The following TCEANC2 variants were observed in gnomAD, a reference collection of about 807,000 sequenced individuals.
TCEANC2 encodes the protein transcription elongation factor A N-terminal and central domain containing 2.
TCEANC2 carries 20 observed loss-of-function variants against 22.8 expected under a neutral mutation model. The ratio of observed to expected loss-of-function variants is 0.88; its 90% CI spans 0.62 to 1.28. The LOEUF (loss-of-function observed/expected upper bound fraction) is 1.28, where lower values mean the gene tolerates loss of function less well. TCEANC2 is among the 50% of genes most tolerant of loss of function. The probability of loss-of-function intolerance (pLI) is 0.00; values close to 1 mark genes in which losing one functional copy is unlikely to be tolerated. For synonymous variants in TCEANC2, 84 were observed against 95.5 expected (o/e 0.88, Z 0.70); for missense variants, 251 against 249.7 (o/e 1.01, Z -0.03).
In TCEANC2 at chr1:54,097,636, T is replaced by C. The variant is rs1478643461; in HGVS notation, c.*1163T>C. The C allele has an allele frequency of 6.6e-6, 1 of 152,256 alleles. No individual in the cohort carries two copies. Among genetic ancestry groups the C allele is most frequent in the Admixed American group, 6.5e-5 (1 of 15,290 alleles). 9.4% of individuals were successfully genotyped at this position (152,256 alleles called of 1,614,324 possible). A position where few individuals can be genotyped will look rare whatever the true frequency, so the allele number is the denominator to read the frequency against. ...TTATTAACCTTTACCTGGATCTTTA[T>C]ATAGTTTTGTAAAAATATTGCTTAC... On this transcript the variant is annotated 3_prime_UTR_variant, in exon 5 of 5. Transcript: ENST00000234827.
rs568745170 is a variant in TCEANC2 at position 54,096,545 on chromosome 1, T to C, written c.*72T>C. 8 of 1,522,520 alleles carry C rather than the reference T, an allele frequency of 5.3e-6. No individual in the cohort carries two copies. Among genetic ancestry groups the C allele is most frequent in the Non-Finnish European group, 6.2e-6 (7 of 1,129,186 alleles). The allele number at this position is 1,522,520 out of a possible 1,614,324, so 94.3% of individuals were successfully genotyped here. On this transcript the variant is annotated 3_prime_UTR_variant, in exon 5 of 5. Transcript: ENST00000234827. This position sits in a 1 kb window ranked among gnomAD's most constrained non-coding sequence, Gnocchi z 4.9. ...CTGTCTCTGCCGTTCAAAGACGCTT[T>C]TGAGTTTGGGTGATGGCTGATGCTG...
chr1:54,068,691 A>G, intron 2 of TCEANC2, 65 bp from the exon 3 acceptor site: 1 of 1,497,216 alleles, frequency 6.7e-7, no homozygotes, highest in Admixed American at 2.3e-5. Context: ...CCATTAGCTC[A>G]GGTGAAGGCA....
At chr1:54,093,590 C>A (rs762805303) in intron 4 of TCEANC2, among the ~76,000 whole-genome samples, 8 of 152,092 alleles carry the variant, frequency 5.3e-5, no homozygotes, top group Non-Finnish European at 1.2e-4. Flanking sequence ...AGGTTCCTAC[C>A]CACTTCTAGG....
chr1:54,079,819 G>T (rs1458512106), intron 3 of TCEANC2, among the ~76,000 whole-genome samples: 1 of 152,154 alleles, frequency 6.6e-6, no homozygotes, highest in Non-Finnish European at 1.5e-5. Context: ...CCATTGTTGT[G>T]TCTACCATAT....
rs1658581565 is a variant in TCEANC2, at chr1:54,097,521, A to C, written c.*1048A>C. ...GGGGAGAGATTTAAAATCCAAAAAAAAGGAAGATGAGTTGAAAAGCAAGGG... is the reference window on the plus strand; with the variant it reads ...GGGGAGAGATTTAAAATCCAAAAAACAGGAAGATGAGTTGAAAAGCAAGGG... On this transcript the variant is annotated 3_prime_UTR_variant, in exon 5 of 5. Transcript: ENST00000234827. The C allele has an allele frequency of 6.6e-6, 1 of 152,192 alleles. No individual in the cohort carries two copies. The highest frequency in any genetic ancestry group is 1.5e-5 in the Non-Finnish European group (1 of 68,042). 9.4% of individuals were successfully genotyped at this position (152,192 alleles called of 1,614,324 possible). A position where few individuals can be genotyped will look rare whatever the true frequency, so the allele number is the denominator to read the frequency against.
In TCEANC2 at chr1:54,100,636, C is replaced by T. The variant is rs1044308450; in HGVS notation, c.*4163C>T. The T allele has an allele frequency of 1.3e-5, 2 of 152,124 alleles. No individual in the cohort carries two copies. The highest frequency in any genetic ancestry group is 2.9e-5 in the Non-Finnish European group (2 of 68,040). 9.4% of individuals were successfully genotyped at this position (152,124 alleles called of 1,614,324 possible). ...CTCAGTCTATGTGAAAGCACAGAAG[C>T]GTGAGGTGTATGGCTAGTTTCAGTA... is the stretch of plus-strand genomic sequence containing the variant. On this transcript the variant is annotated 3_prime_UTR_variant, in exon 5 of 5. Transcript: ENST00000234827.
chr1:54,054,251 T>G, intron 1 of TCEANC2, 130 bp from the exon 2 acceptor site: 1 of 1,443,366 alleles, frequency 6.9e-7, no homozygotes, highest in South Asian at 1.6e-5. Context: ...AAAATCTTAC[T>G]TCCTGTCAAT....
rs569179457 is a variant in TCEANC2 at position 54,096,399 on chromosome 1, C to T, written c.553C>T (p.Arg185Ter). The change falls in exon 5 of 5, where the codon CGA becomes TGA. Residue 185 changes from arginine to a stop codon, truncating the protein, a stop_gained. Transcript: ENST00000234827. LOFTEE classifies it high-confidence loss of function. The surrounding 1 kb of genome is among the most constrained non-coding windows in gnomAD (Gnocchi z 4.9). ...AGCCCTGGTCTTCACATTAAAGCACCGAGCTGAAATCCGGGCTCAGGTGAA... is the reference window on the plus strand; with the variant it reads ...AGCCCTGGTCTTCACATTAAAGCACTGAGCTGAAATCCGGGCTCAGGTGAA... ...VRALVFTLKH[R>*]AEIRAQVKSG... The T allele has an allele frequency of 6.2e-7, 1 of 1,613,598 alleles. No individual in the cohort carries two copies. Among genetic ancestry groups the T allele is most frequent in the Non-Finnish European group, 8.5e-7 (1 of 1,179,474 alleles).
chr1:54,066,388 C>G (rs1657956134), intron 2 of TCEANC2, among the ~76,000 whole-genome samples: 1 of 151,966 alleles, frequency 6.6e-6, no homozygotes, highest in Admixed American at 6.6e-5. Context: ...ATTAAACATG[C>G]CTATTAAAAG....
Position 54,068,747 on chromosome 1 carries a change from T to G in TCEANC2, c.103-9T>G. On this transcript the variant is annotated splice_polypyrimidine_tract_variant and intron_variant, in intron 2 of 4. Transcript: ENST00000234827. ...GTTCCATTTTCCAAATGACTTTTCT[T>G]TTTCCCAGAGAGTTGTGGTTGTAGA... 1.3e-6 allele frequency: 2 copies of G among 1,582,896 alleles called. No homozygotes were observed. Among genetic ancestry groups the G allele is most frequent in the Admixed American group, 3.9e-5 (2 of 51,148 alleles).
At chr1:54,058,188 C>G (rs1657788137) in intron 2 of TCEANC2, among the ~76,000 whole-genome samples, 1 of 152,140 alleles carries the variant, frequency 6.6e-6, no homozygotes, top group South Asian at 2.1e-4. Flanking sequence ...CTTTGTAAGT[C>G]TTTGCTATTA....
At chr1:54,092,151 T>C (rs921968868) in intron 4 of TCEANC2, among the ~76,000 whole-genome samples, 2 of 152,234 alleles carry the variant, frequency 1.3e-5, no homozygotes, top group Non-Finnish European at 2.9e-5. Flanking sequence ...CCACACAAAG[T>C]TTGCTTCCAG....
In TCEANC2 at chr1:54,103,918, G is replaced by T. The variant is rs1274532431; in HGVS notation, c.*7445G>T. 1 of 152,200 alleles carries T rather than the reference G, an allele frequency of 6.6e-6. No homozygotes were observed. The highest frequency in any genetic ancestry group is 1.5e-5 in the Non-Finnish European group (1 of 68,056). The allele number at this position is 152,200 out of a possible 1,614,324, so 9.4% of individuals were successfully genotyped here. A position where few individuals can be genotyped will look rare whatever the true frequency, so the allele number is the denominator to read the frequency against. ...AGATTATGGGATCTATAGATTATGGGATAGTCATACAGGATCCCATATGAT... is the reference window on the plus strand; with the variant it reads ...AGATTATGGGATCTATAGATTATGGTATAGTCATACAGGATCCCATATGAT... On this transcript the variant is annotated 3_prime_UTR_variant, in exon 5 of 5. Coordinates refer to ENST00000234827, the MANE Select transcript of TCEANC2 (RefSeq NM_153035.3).
intron 2 of TCEANC2, among the ~76,000 whole-genome samples, chr1:54,063,139 C>A (rs1167255953): frequency 6.6e-6 from 1 of 152,058 alleles, no homozygotes; most frequent in Non-Finnish European, 1.5e-5. Context: ...GATTTTAAGG[C>A]CAGTATGGAT....
downstream of TCEANC2, among the ~76,000 whole-genome samples, chr1:54,110,444 A>G (rs1035071990): frequency 6.6e-6 from 1 of 151,916 alleles, no homozygotes; most frequent in Non-Finnish European, 1.5e-5. Flanking sequence ...TCTTTACAAA[A>G]GAAAAAAAAA....
In TCEANC2 at chr1:54,099,327, G is replaced by C. The variant is rs1296118005; in HGVS notation, c.*2854G>C. 6.6e-6 allele frequency: 1 copy of C among 152,348 alleles called. No individual in the cohort carries two copies. The highest frequency in any genetic ancestry group is 1.5e-5 in the Non-Finnish European group (1 of 68,036). 9.4% of individuals were successfully genotyped at this position (152,348 alleles called of 1,614,324 possible). On this transcript the variant is annotated 3_prime_UTR_variant, in exon 5 of 5. Coordinates refer to ENST00000234827, the MANE Select transcript of TCEANC2 (RefSeq NM_153035.3). The stretch of plus-strand genomic sequence containing the variant: ...CTGTTTTCTCCTTGATGCATGTGCA[G>C]AATTTCCATGAACGCTAATGGAGCT...
downstream of TCEANC2, among the ~76,000 whole-genome samples, chr1:54,109,629 C>T (rs1328372602): frequency 6.6e-6 from 1 of 152,200 alleles, no homozygotes; most frequent in Non-Finnish European, 1.5e-5. Context: ...AGGGAAGGGA[C>T]TGTCTGATTT....
chr1:54,092,389 C>T (rs969721539), intron 4 of TCEANC2, among the ~76,000 whole-genome samples: 1 of 152,100 alleles, frequency 6.6e-6, no homozygotes, highest in African/African-American at 2.4e-5. Context: ...GGGAATGTTT[C>T]GGAGAAGAGA....
chr1:54,072,176 A>C (rs181643677), intron 3 of TCEANC2, among the ~76,000 whole-genome samples: 10 of 152,182 alleles, frequency 6.6e-5, no homozygotes, highest in Non-Finnish European at 1.2e-4. Flanking sequence ...CTGAGATTCT[A>C]TAATTAGAAG....
Sources: allele counts gnomAD v4.1 joint callset (sites outside exome capture counted in the v4.1 genomes callset), GRCh38; gene constraint gnomAD v4.1.1; non-coding constraint Gnocchi (gnomAD v3.1); transcripts MANE v1.5; gene names NCBI Gene and HGNC (gene_info 2026-07-23, HGNC 2026-07-21).